Variants in BOC observed in about 807,000 individuals in gnomAD.
BOC encodes BOC cell adhesion associated, oncogene regulated.
BOC carries 76 observed loss-of-function variants against 112.0 expected under a neutral mutation model. The observed-to-expected ratio is 0.68, with a 90% confidence interval of 0.56 to 0.82. BOC has a LOEUF of 0.82. Among genes scored for constraint, BOC ranks in the 40% least tolerant of loss-of-function variants. The pLI is 0.00. For missense variants in BOC, 1,309 were observed against 1,511.7 expected (o/e 0.87, Z 2.22); for synonymous variants, 580 against 599.8 (o/e 0.97, Z 0.48).
Position 113,273,258 on chromosome 3 carries a change from AG to A in BOC, c.1153del (p.Asp385ThrfsTer19). The stretch of plus-strand genomic sequence containing the variant: ...CTGCGCGTGCTCAGCATGGGGCCTG[AG>A]GACGAAGGCGTCTACCAGTGCATGG... ...RALRVLSMGP[E>X]DEGVYQCMAE... is the part of the protein sequence containing the mutation. On this transcript the variant is annotated frameshift_variant, in exon 8 of 20. Transcript: ENST00000682979. LOFTEE classifies it high-confidence loss of function. 6.2e-7 allele frequency: 1 copy of A among 1,613,090 alleles called. No homozygotes were observed. Among genetic ancestry groups the A allele is most frequent in the Non-Finnish European group, 8.5e-7 (1 of 1,179,728 alleles).
intron 4 of BOC, chr3:113,261,635 A>C (rs1287198208): frequency 6.6e-6 from 1 of 152,200 alleles, no homozygotes; most frequent in Admixed American, 6.5e-5. Flanking sequence ...TTAAAAATGA[A>C]GTATTTTTAA....
chr3:113,217,415 T>G (rs1451705812), intron 2 of BOC, among the ~76,000 whole-genome samples: 1 of 152,064 alleles, frequency 6.6e-6, no homozygotes, highest in East Asian at 1.9e-4. Context: ...TAATCCCAGC[T>G]CCCTGGGAGG....
intron 2 of BOC, among the ~76,000 whole-genome samples, chr3:113,217,631 C>T (rs544865171): frequency 6.6e-6 from 1 of 152,168 alleles, no homozygotes; most frequent in East Asian, 1.9e-4. Flanking sequence ...GAGATGGGAC[C>T]AATAGTACCA....
At chr3:113,223,902 C>T (rs1275581669) in intron 2 of BOC, among the ~76,000 whole-genome samples, 2 of 152,236 alleles carry the variant, frequency 1.3e-5, no homozygotes, top group African/African-American at 4.8e-5. Context: ...TATCAGCTTC[C>T]ACTGAGCATG....
chr3:113,281,763 A>G (rs992151911), intron 15 of BOC, among the ~76,000 whole-genome samples: 7 of 152,252 alleles, frequency 4.6e-5, no homozygotes, highest in Non-Finnish European at 8.8e-5. Flanking sequence ...TCAGGAGAAG[A>G]TCACAAAGGA....
rs780985141 is a variant in BOC, at chr3:113,286,660, T to A, written c.3161-15T>A. The stretch of plus-strand genomic sequence containing the variant: ...CAATCTGGATTTTAATGGTTCCTAC[T>A]CTTTCTCCCCTCAGGGCCCCCATGC... On this transcript the variant is annotated splice_polypyrimidine_tract_variant and intron_variant, in intron 19 of 19. Coordinates refer to ENST00000682979, the MANE Select transcript of BOC (RefSeq NM_001378074.1). The A allele has an allele frequency of 9.5e-5, 147 of 1,552,840 alleles. No homozygotes were observed. Among genetic ancestry groups the A allele is most frequent in the Non-Finnish European group, 1.2e-4 (140 of 1,149,920 alleles).
Position 113,274,395 on chromosome 3 carries a change from CAGG to C in BOC, c.1257_1259del (p.Gln419_Asp420delinsHis). Reference sequence around the variant, plus strand: ...TCCAGGCATAACCCCAAGGCTATGGCAGGATGCTGAGCTGGCTACTGGCACACC... The same window carrying C: ...TCCAGGCATAACCCCAAGGCTATGGCATGCTGAGCTGGCTACTGGCACACC... On this transcript the variant is annotated inframe_deletion, in exon 9 of 20. Transcript: ENST00000682979. This position sits in a 1 kb window ranked among gnomAD's most constrained non-coding sequence, Gnocchi z 4.8. 1 of 1,556,324 alleles carries C rather than the reference CAGG, an allele frequency of 6.4e-7. No homozygotes were observed. The highest frequency in any genetic ancestry group is 1.2e-5 in the South Asian group (1 of 83,638).
chr3:113,275,254 G>A (rs1279991269), intron 9 of BOC, among the ~76,000 whole-genome samples: 2 of 150,540 alleles, frequency 1.3e-5, no homozygotes, highest in Admixed American at 1.3e-4. Context: ...AGCACATCAT[G>A]TTGTTCAGAC....
intron 4 of BOC, among the ~76,000 whole-genome samples, chr3:113,252,638 C>T (rs1439042133): frequency 6.6e-6 from 1 of 152,202 alleles, no homozygotes; most frequent in Non-Finnish European, 1.5e-5. Flanking sequence ...CAGGATTCCT[C>T]TTTTCTTGGG....
At chr3:113,217,097 G>T (rs1462438777) in intron 2 of BOC, among the ~76,000 whole-genome samples, 1 of 152,208 alleles carries the variant, frequency 6.6e-6, no homozygotes, top group Non-Finnish European at 1.5e-5. Context: ...GGCATCAGGT[G>T]TGGGCTGGCA....
At chr3:113,265,834 C>T (rs984310816) in intron 4 of BOC, among the ~76,000 whole-genome samples, 5 of 152,258 alleles carry the variant, frequency 3.3e-5, no homozygotes, top group African/African-American at 1.2e-4. Context: ...GTTACCCCAT[C>T]AAGTGCAGAG....
At chr3:113,235,281 A>G (rs1410410931) in intron 2 of BOC, among the ~76,000 whole-genome samples, 1 of 152,194 alleles carries the variant, frequency 6.6e-6, no homozygotes, top group East Asian at 1.9e-4. Context: ...TACATGACTT[A>G]TGTGGGTATA....
chr3:113,213,474 G>C (rs1289702984), intron 1 of BOC, among the ~76,000 whole-genome samples: 2 of 152,152 alleles, frequency 1.3e-5, no homozygotes, highest in African/African-American at 4.8e-5. Context: ...TCATCCCTTT[G>C]GTTACAGCCA....
At chr3:113,285,309 G>A in intron 18 of BOC, 63 bp from the exon 19 acceptor site, 3 of 1,530,742 alleles carry the variant, frequency 2.0e-6, no homozygotes, top group Admixed American at 3.4e-5. Context: ...AGCCAGCAGG[G>A]GGATGGGGCG....
rs373321444 is a variant in BOC, at chr3:113,223,881, T to TGTG, written c.-82+7610_-82+7612dup. 3.0e-3 allele frequency among the ~76,000 whole-genome samples: 463 copies of TGTG among 152,354 alleles called. 3 individuals carry two copies. Among genetic ancestry groups the TGTG allele is most frequent in the African/African-American group, 0.01 (424 of 41,576 alleles). On this transcript the variant is annotated intron_variant, in intron 2 of 19. Transcript: ENST00000682979. ...CAACCAGAGCCCTGCAGGTCTGCAG[T>TGTG]GTGGTCCCTTTATCAGCTTCCACTG...
At chr3:113,238,685 C>T (rs550053503) in intron 2 of BOC, among the ~76,000 whole-genome samples, 9 of 152,302 alleles carry the variant, frequency 5.9e-5, no homozygotes, top group African/African-American at 2.2e-4. Flanking sequence ...GGTTCAAATC[C>T]TCACCCTGAG....
intron 4 of BOC, among the ~76,000 whole-genome samples, chr3:113,260,912 C>T (rs9869371): frequency 1.6e-4 from 25 of 152,114 alleles, no homozygotes; most frequent in Non-Finnish European, 8.8e-5. Context: ...CCATCCCCCC[C>T]AGTCTCCCCA....
chr3:113,286,936 GAA>G lies in BOC; in HGVS notation c.*77_*78del, dbSNP rs1389550495. The G allele has an allele frequency of 3.0e-6, 4 of 1,340,422 alleles. No homozygotes were observed. The highest frequency in any genetic ancestry group is 3.0e-6 in the Non-Finnish European group (3 of 990,844). 83.0% of individuals were successfully genotyped at this position (1,340,422 alleles called of 1,614,324 possible). On this transcript the variant is annotated 3_prime_UTR_variant, in exon 20 of 20. Transcript: ENST00000682979. ...AAAAAAAGAAGAAAAAAGAGACAGA[GAA>G]AATTGGTATTTATTTTTCTATTATA...
At chr3:113,253,352 G>A (rs1407089626) in intron 4 of BOC, among the ~76,000 whole-genome samples, 1 of 152,086 alleles carries the variant, frequency 6.6e-6, no homozygotes, top group Non-Finnish European at 1.5e-5. Context: ...CACTTTGGGA[G>A]TCTGAAGCAG....
Sources: gnomAD v4.1 joint callset for allele counts (sites outside exome capture counted in the v4.1 genomes callset) on GRCh38, gnomAD v4.1.1 for gene constraint, Gnocchi (gnomAD v3.1) non-coding constraint, MANE v1.5 for transcripts, NCBI Gene and HGNC (gene_info 2026-07-23, HGNC 2026-07-21) for gene names.